FGFR3: variants seen among roughly 807,000 people sequenced by gnomAD.
FGFR3 encodes the protein FGFR-3.
In FGFR3, 25 loss-of-function variants were observed where a neutral mutation model predicts 82.9. The observed-to-expected ratio is 0.30, with a 90% CI of 0.22 to 0.42. The LOEUF (loss-of-function observed/expected upper bound fraction) is 0.42, where lower values mean the gene tolerates loss of function less well. Ranked by LOEUF, FGFR3 falls within the 10% of genes least tolerant of loss-of-function variation. FGFR3 has a pLI of 1.00. For missense variants in FGFR3, 1,026 were observed against 1,161.0 expected (o/e 0.88, Z 1.69); for synonymous variants, 620 against 516.0 (o/e 1.20, Z -2.73).
At position 1,793,973 on chromosome 4, in the gene FGFR3, C is replaced by A; in HGVS notation, c.39C>A (p.Ala13=). The A allele has an allele frequency of 1.4e-6, 2 of 1,379,444 alleles. No homozygotes were observed. Among genetic ancestry groups the A allele is most frequent in the South Asian group, 3.4e-5 (2 of 58,360 alleles). The allele number at this position is 1,379,444 out of a possible 1,614,324, so 85.5% of individuals were successfully genotyped here. ...CCTGCGCCCTCGCGCTCTGCGTGGC[C>A]GTGGCCATCGTGGCCGGCGCCTCCT... ...APACALALCV[A]VAIVAGASSE... is the part of the protein sequence containing the mutation. The change falls in exon 2 of 18, where the codon GCC becomes GCA. Residue 13 remains alanine (A), a synonymous_variant. Transcript: ENST00000440486.
chr4:1,799,110 C>A, intron 2 of FGFR3, 144 bp from the exon 3 acceptor site: 2 of 1,157,002 alleles, frequency 1.7e-6, no homozygotes, highest in South Asian at 1.3e-5. Flanking sequence ...TTTTGGGACA[C>A]AGTTTCCAGC....
At chr4:1,794,085 C>T (rs769396505) in intron 2 of FGFR3, 42 bp downstream of exon 2, 3 of 1,191,404 alleles carry the variant, frequency 2.5e-6, no homozygotes, top group Non-Finnish European at 3.3e-6. Flanking sequence ...CCGGCCCGTG[C>T]GGGCAGAGGC....
At chr4:1,795,803 G>A (rs933704240) in intron 2 of FGFR3, among the ~76,000 whole-genome samples, 1 of 152,204 alleles carries the variant, frequency 6.6e-6, no homozygotes, top group African/African-American at 2.4e-5. Context: ...GCAGGGGTCT[G>A]GGGGTGCAGG....
In FGFR3 at chr4:1,801,664, C is replaced by T. The variant is rs146927248; in HGVS notation, c.660C>T (p.Pro220=). ...QWSLVMESVV[P]SDRGNYTCVV... is the part of the protein sequence containing the mutation. ...GCCTGGTCATGGAAAGCGTGGTGCCCTCGGACCGCGGCAACTACACCTGCG... is the reference window on the plus strand; with the variant it reads ...GCCTGGTCATGGAAAGCGTGGTGCCTTCGGACCGCGGCAACTACACCTGCG... Residue 220 remains proline, a synonymous_variant, in exon 6 of 18, where the codon CCC becomes CCT. Transcript: ENST00000440486. The T allele has an allele frequency of 1.9e-6, 3 of 1,611,464 alleles. No individual in the cohort carries two copies. The highest frequency in any genetic ancestry group is 2.5e-6 in the Non-Finnish European group (3 of 1,179,370).
rs747872029 is a variant in FGFR3, at chr4:1,807,284, T to C, written c.*22T>C. On this transcript the variant is annotated 3_prime_UTR_variant, in exon 18 of 18. Transcript: ENST00000440486. ...GTGAAGGGCCACTGGTCCCCAACAA[T>C]GTGAGGGGTCCCTAGCAGCCCACCC... The C allele has an allele frequency of 1.3e-6, 2 of 1,581,706 alleles. No homozygotes were observed. Among genetic ancestry groups the C allele is most frequent in the African/African-American group, 1.3e-5 (1 of 74,158 alleles).
chr4:1,796,330 G>C (rs1024551277), intron 2 of FGFR3, among the ~76,000 whole-genome samples: 2 of 152,178 alleles, frequency 1.3e-5, no homozygotes, highest in African/African-American at 2.4e-5. Context: ...CCAGCCTCCA[G>C]ATCCCTTTTT....
chr4:1,807,541 T>TG lies in FGFR3; in HGVS notation c.*285dup, dbSNP rs765610441. The stretch of plus-strand genomic sequence containing the variant: ...CTGCAGCACCGAGGGGCCTTTGTTC[T>TG]GGGGGGACCCAGTGCAGAATGTAAG... On this transcript the variant is annotated 3_prime_UTR_variant, in exon 18 of 18. Coordinates refer to ENST00000440486, the MANE Select transcript of FGFR3 (RefSeq NM_000142.5). 2.7e-5 allele frequency: 19 copies of TG among 711,392 alleles called. No homozygotes were observed. The highest frequency in any genetic ancestry group is 2.8e-5 in the Non-Finnish European group (11 of 387,768). 44.1% of individuals were successfully genotyped at this position (711,392 alleles called of 1,614,324 possible).
chr4:1,802,961 C>T, intron 7 of FGFR3: 1 of 1,603,098 alleles, frequency 6.2e-7, no homozygotes, highest in African/African-American at 1.3e-5. Flanking sequence ...TCCGCCTGGC[C>T]AATGTGTCGG....
intron 2 of FGFR3, among the ~76,000 whole-genome samples, chr4:1,798,508 A>G (rs1720792188): frequency 6.6e-6 from 1 of 151,602 alleles, no homozygotes; most frequent in Non-Finnish European, 1.5e-5. Context: ...TGCAGGATAC[A>G]GAACCTTGCC....
At chr4:1,798,154 G>C (rs1045343207) in intron 2 of FGFR3, among the ~76,000 whole-genome samples, 1 of 152,068 alleles carries the variant, frequency 6.6e-6, no homozygotes, top group African/African-American at 2.4e-5. Context: ...TGGTGGCTCT[G>C]GGGAGCTGGG....
In FGFR3 at chr4:1,808,337, T is replaced by A. The variant is rs1722228510; in HGVS notation, c.*1075T>A. The A allele has an allele frequency of 4.3e-6, 1 of 232,400 alleles. No individual in the cohort carries two copies. Among genetic ancestry groups the A allele is most frequent in the African/African-American group, 2.2e-5 (1 of 45,252 alleles). 14.4% of individuals were successfully genotyped at this position (232,400 alleles called of 1,614,324 possible). On this transcript the variant is annotated 3_prime_UTR_variant, in exon 18 of 18. Transcript: ENST00000440486. ...TTGGAGGTGATTCCAGTGAAGATATTTTATTTCCTTTGTCCTTTTTCAGGA... is the reference window on the plus strand; with the variant it reads ...TTGGAGGTGATTCCAGTGAAGATATATTATTTCCTTTGTCCTTTTTCAGGA...
intron 1 of FGFR3, 130 bp from the exon 2 acceptor site, chr4:1,793,703 C>T (rs1213158896): frequency 2.0e-5 from 3 of 153,008 alleles, no homozygotes; most frequent in African/African-American, 7.3e-5. Flanking sequence ...GCCAGGCGGC[C>T]CGGGAGCCCT....
chr4:1,803,568 G>A lies in FGFR3; in HGVS notation c.931-124G>A, dbSNP rs971514438. ...GCCGCGTGGCGGTGACCAAGTTGGC[G>A]GTGGCTGAGGAGTTGGTGGTGGCGG... On this transcript the variant is annotated intron_variant, in intron 7 of 17. Coordinates refer to ENST00000440486, the MANE Select transcript of FGFR3 (RefSeq NM_000142.5). The A allele has an allele frequency of 9.1e-5, 135 of 1,486,768 alleles. No individual in the cohort carries two copies. In the African/African-American group the frequency reaches 1.1e-3, roughly 12 times the overall value. 92.1% of individuals were successfully genotyped at this position (1,486,768 alleles called of 1,614,324 possible). A position where few individuals can be genotyped will look rare whatever the true frequency, so the allele number is the denominator to read the frequency against.
intron 2 of FGFR3, among the ~76,000 whole-genome samples, chr4:1,794,977 G>C (rs17886258): frequency 6.6e-6 from 1 of 151,834 alleles, no homozygotes; most frequent in African/African-American, 2.4e-5. Flanking sequence ...CGGCTCGGCG[G>C]CTCGCGGGGA....
intron 7 of FGFR3, among the ~76,000 whole-genome samples, chr4:1,802,448 C>A (rs903623869): frequency 6.6e-6 from 1 of 152,234 alleles, no homozygotes; most frequent in Non-Finnish European, 1.5e-5. Flanking sequence ...AGCTCACTGT[C>A]TGCCCGCCTC....
chr4:1,793,920 G>T lies in FGFR3; in HGVS notation c.-15G>T. ...GCGCGCGCTGCCTGAGGACGCCGCG[G>T]CCCCCGCCCCCGCCATGGGCGCCCC... is the stretch of plus-strand genomic sequence containing the variant. On this transcript the variant is annotated 5_prime_UTR_variant, in exon 2 of 18. Coordinates refer to ENST00000440486, the MANE Select transcript of FGFR3 (RefSeq NM_000142.5). The T allele has an allele frequency of 8.2e-7, 1 of 1,223,406 alleles. No homozygotes were observed. Among genetic ancestry groups the T allele is most frequent in the Admixed American group, 3.9e-5 (1 of 25,584 alleles). The allele number at this position is 1,223,406 out of a possible 1,614,324, so 75.8% of individuals were successfully genotyped here.
In FGFR3 at chr4:1,802,814, C is replaced by T. The variant is rs1210093851; in HGVS notation, c.930+789C>T. ...CAGGCAGCCTTTGGGGCTGACGCAGCCCAGCCTCGATCTGTACCTTGGGGG... is the reference window on the plus strand; with the variant it reads ...CAGGCAGCCTTTGGGGCTGACGCAGTCCAGCCTCGATCTGTACCTTGGGGG... On this transcript the variant is annotated intron_variant, in intron 7 of 17. Coordinates refer to ENST00000440486, the MANE Select transcript of FGFR3 (RefSeq NM_000142.5). 7 of 1,415,536 alleles carry T rather than the reference C, an allele frequency of 4.9e-6. No homozygotes were observed. In the Admixed American group the frequency reaches 1.6e-4, roughly 32 times the overall value. The allele number at this position is 1,415,536 out of a possible 1,614,324, so 87.7% of individuals were successfully genotyped here.
chr4:1,803,903 G>A, intron 8 of FGFR3, 67 bp downstream of exon 8: 1 of 1,525,886 alleles, frequency 6.6e-7, no homozygotes, highest in Admixed American at 1.7e-5. Context: ...ACACGCCAAA[G>A]CTGCCAGGAC....
chr4:1,803,285 A>G, intron 7 of FGFR3: 1 of 552,666 alleles, frequency 1.8e-6, no homozygotes, highest in Non-Finnish European at 3.0e-6. Flanking sequence ...TGCGACCCCC[A>G]CAGGAGGTGC....
Sources: allele counts gnomAD v4.1 joint callset (sites outside exome capture counted in the v4.1 genomes callset), GRCh38; gene constraint gnomAD v4.1.1; transcripts MANE v1.5; gene names NCBI Gene and HGNC (gene_info 2026-07-23, HGNC 2026-07-21).